Variants in DLG2 observed in about 807,000 individuals in gnomAD.
DLG2 encodes the protein discs large MAGUK scaffold protein 2, also known as disks large homolog 2.
DLG2 carries 45 observed loss-of-function variants against 132.5 expected under a neutral mutation model. That is an observed-to-expected ratio of 0.34 (90% CI 0.27 to 0.44). The LOEUF (loss-of-function observed/expected upper bound fraction) is 0.44. DLG2 is among the 20% of genes least tolerant of loss of function. The pLI, the probability that DLG2 is intolerant of heterozygous loss-of-function variation, is 1.00. For missense variants in DLG2, 1,045 were observed against 1,196.9 expected (o/e 0.87, Z 1.87); for synonymous variants, 424 against 419.6 (o/e 1.01, Z -0.13).
intron 7 of DLG2, among the ~76,000 whole-genome samples, chr11:84,276,708 TCTAA>T (rs2097786281): frequency 6.6e-6 from 1 of 152,200 alleles, no homozygotes; most frequent in Admixed American, 6.5e-5. Context: ...GTCACGATGC[TCTAA>T]CTTAGACTGC....
Position 85,070,801 on chromosome 11 carries a change from C to G in DLG2, c.357+40860G>C, listed in dbSNP as rs2065743509. On this transcript the variant is annotated intron_variant, in intron 6 of 27. Coordinates refer to ENST00000376104, the MANE Select transcript of DLG2 (RefSeq NM_001142699.3). ...TGACTACTCTAGCCCAAGCCATCTT[C>G]TTTGTTCTAAAATCTCATAGCATTT... Among the ~76,000 whole-genome samples the G allele has an allele frequency of 2.6e-5, 4 of 151,802 alleles. No homozygotes were observed. The South Asian group carries it at 8.3e-4, about 31-fold the overall frequency.
At chr11:85,234,624 C>T (rs998101255) in intron 4 of DLG2, among the ~76,000 whole-genome samples, 1 of 152,070 alleles carries the variant, frequency 6.6e-6, no homozygotes, top group African/African-American at 2.4e-5. Flanking sequence ...TTCTGTCTAT[C>T]CATTAGAGTG....
At chr11:84,960,299 C>A (rs919635923) in intron 6 of DLG2, among the ~76,000 whole-genome samples, 1 of 152,026 alleles carries the variant, frequency 6.6e-6, no homozygotes, top group Non-Finnish European at 1.5e-5. Flanking sequence ...CTCTATCTGC[C>A]GTAAATGAAA....
intron 21 of DLG2, among the ~76,000 whole-genome samples, chr11:83,506,016 C>T (rs1214839707): frequency 6.6e-6 from 1 of 152,130 alleles, no homozygotes; most frequent in Non-Finnish European, 1.5e-5. Context: ...TACTTGAGAC[C>T]AATCATGTAT....
At chr11:84,810,688 A>G (rs1202370207) in intron 6 of DLG2, among the ~76,000 whole-genome samples, 1 of 152,172 alleles carries the variant, frequency 6.6e-6, no homozygotes, top group Non-Finnish European at 1.5e-5. Flanking sequence ...GCCTGAAATA[A>G]CTCAGACAAC....
At chr11:84,678,161 A>C (rs2099719150) in intron 6 of DLG2, among the ~76,000 whole-genome samples, 1 of 152,038 alleles carries the variant, frequency 6.6e-6, no homozygotes, top group Non-Finnish European at 1.5e-5. Context: ...GTGAGAGCTA[A>C]CCTAGGCCTC....
chr11:85,237,262 A>G (rs2075636095), intron 4 of DLG2, among the ~76,000 whole-genome samples: 1 of 152,096 alleles, frequency 6.6e-6, no homozygotes, highest in African/African-American at 2.4e-5. Context: ...GCTAAATGGC[A>G]AAAAGGAGGG....
chr11:85,602,646 T>G (rs1038717537), intron 2 of DLG2, among the ~76,000 whole-genome samples: 1 of 152,146 alleles, frequency 6.6e-6, no homozygotes, highest in Admixed American at 6.5e-5. Flanking sequence ...TCCTTTCAAG[T>G]CATCAACTAG....
At chr11:83,881,448 T>C (rs1200133549) in intron 15 of DLG2, among the ~76,000 whole-genome samples, 3 of 152,212 alleles carry the variant, frequency 2.0e-5, no homozygotes, top group African/African-American at 7.2e-5. Flanking sequence ...TAAGTATTTA[T>C]TGAGCATTTA....
chr11:84,433,336 C>T (rs1191543082), intron 7 of DLG2, among the ~76,000 whole-genome samples: 2 of 152,082 alleles, frequency 1.3e-5, no homozygotes, highest in Admixed American at 1.3e-4. Context: ...ATTGCACTTT[C>T]AATTTATCTT....
At chr11:84,928,976 GTGTGTGTATATATA>G (rs1265603568) in intron 6 of DLG2, among the ~76,000 whole-genome samples, 18 of 30,120 alleles carry the variant, frequency 6.0e-4, no homozygotes, top group South Asian at 1.3e-3. Flanking sequence ...GTGTGTGTGT[GTGTGTGTATATATA>G]TATATATATA....
chr11:84,772,517 A>G (rs1382065422), intron 6 of DLG2, among the ~76,000 whole-genome samples: 1 of 152,182 alleles, frequency 6.6e-6, no homozygotes, highest in Non-Finnish European at 1.5e-5. Flanking sequence ...CACATGGAAC[A>G]TACTCCAAGA....
chr11:85,405,670 G>A (rs2088658334), intron 3 of DLG2, among the ~76,000 whole-genome samples: 2 of 151,942 alleles, frequency 1.3e-5, no homozygotes. Context: ...GGCTTAGAGA[G>A]GTTAAATATT....
intron 15 of DLG2, among the ~76,000 whole-genome samples, chr11:83,920,949 G>A (rs917580618): frequency 1.3e-5 from 2 of 152,110 alleles, no homozygotes; most frequent in African/African-American, 2.4e-5. Flanking sequence ...TTAATGGGGT[G>A]TACTTTTCTC....
chr11:83,458,876 T>C lies in DLG2; in HGVS notation c.*942A>G, dbSNP rs779515451. ...GATGTGCTGCATGAGAGTGTATCAC[T>C]AATGTGGAAGGGAGGTAAGTGAGGA... On this transcript the variant is annotated 3_prime_UTR_variant, in exon 28 of 28. Coordinates refer to ENST00000376104, the MANE Select transcript of DLG2 (RefSeq NM_001142699.3). The C allele has an allele frequency of 6.6e-6, 1 of 152,184 alleles. No individual in the cohort carries two copies. Among genetic ancestry groups the C allele is most frequent in the Non-Finnish European group, 1.5e-5 (1 of 68,038 alleles). The allele number at this position is 152,184 out of a possible 1,614,324, so 9.4% of individuals were successfully genotyped here. A position where few individuals can be genotyped will look rare whatever the true frequency, so the allele number is the denominator to read the frequency against.
At chr11:84,275,847 G>C (rs1199392094) in intron 7 of DLG2, among the ~76,000 whole-genome samples, 6 of 152,184 alleles carry the variant, frequency 3.9e-5, no homozygotes, top group Admixed American at 6.5e-5. Flanking sequence ...TTATATCCAT[G>C]GTGGACATTA....
intron 6 of DLG2, among the ~76,000 whole-genome samples, chr11:84,780,239 T>C (rs902831965): frequency 3.9e-5 from 6 of 151,940 alleles, no homozygotes; most frequent in African/African-American, 1.2e-4. Flanking sequence ...TATTCTCAAA[T>C]TAATAAATAT....
At chr11:85,266,716 G>A (rs1327681338) in intron 4 of DLG2, among the ~76,000 whole-genome samples, 1 of 152,100 alleles carries the variant, frequency 6.6e-6, no homozygotes, top group Non-Finnish European at 1.5e-5. Flanking sequence ...AGGCTTCTGG[G>A]CAATCAATGA....
intron 9 of DLG2, among the ~76,000 whole-genome samples, chr11:84,118,193 T>A (rs1458435370): frequency 2.0e-5 from 3 of 152,166 alleles, no homozygotes; most frequent in Non-Finnish European, 4.4e-5. Context: ...TTAGTATATT[T>A]AAATCCATGT....
Sources: allele counts gnomAD v4.1 joint callset (sites outside exome capture counted in the v4.1 genomes callset), GRCh38; gene constraint gnomAD v4.1.1; transcripts MANE v1.5; gene names NCBI Gene and HGNC (gene_info 2026-07-23, HGNC 2026-07-21).